Variants in NBAS observed in about 807,000 individuals in gnomAD.
NBAS encodes NAG/BC035112 fusion.
Under a neutral mutation model 302.5 loss-of-function variants are expected in NBAS, and 219 were observed. That is an observed-to-expected ratio of 0.72 (90% CI 0.65 to 0.81). NBAS has a LOEUF of 0.81. Ranked by LOEUF, NBAS falls within the 30% of genes least tolerant of loss-of-function variation. NBAS has a pLI of 0.00. For synonymous variants in NBAS, 1,118 were observed against 1,021.6 expected, an observed-to-expected ratio of 1.09 and a Z score of -1.80; for missense variants, 2,932 against 2,841.6, an observed-to-expected ratio of 1.03 and a Z score of -0.72.
At chr2:14,937,872 T>C in the NBAS span, among the ~76,000 whole-genome samples, 1 of 152,174 alleles carries the variant, frequency 6.6e-6, no homozygotes, top group African/African-American at 2.4e-5. Context: ...GGCTCACGCC[T>C]GTAATCCCAG....
At chr2:15,079,436 G>A in the NBAS span, among the ~76,000 whole-genome samples, 3 of 152,046 alleles carry the variant, frequency 2.0e-5, no homozygotes, top group Non-Finnish European at 4.4e-5. Flanking sequence ...AGGTCCCTAA[G>A]AGCCAAGCAG....
chr2:15,070,006 A>T, the NBAS span, among the ~76,000 whole-genome samples: 2 of 151,792 alleles, frequency 1.3e-5, no homozygotes, highest in African/African-American at 2.4e-5. Flanking sequence ...CCCCCCCACC[A>T]TGAGAATGTC....
chr2:15,255,017 C>T (rs1668528586), intron 44 of NBAS, among the ~76,000 whole-genome samples: 1 of 152,116 alleles, frequency 6.6e-6, no homozygotes, highest in Non-Finnish European at 1.5e-5. Context: ...AATTGTGCTG[C>T]TATAAATATG....
rs186974750 is a variant in NBAS, at chr2:15,478,907, G to A, written c.1084-618C>T. ...ATTTGAGAATAAGCCATTACCTGAC[G>A]ACCTCTTGGCTTAGTGTTCCCTTCT... On this transcript the variant is annotated intron_variant, in intron 12 of 51. Coordinates refer to ENST00000281513, the MANE Select transcript of NBAS (RefSeq NM_015909.4). Among the ~76,000 whole-genome samples, 28 of 152,188 alleles carry A rather than the reference G, an allele frequency of 1.8e-4. No homozygotes were observed. The East Asian group carries it at 4.6e-3, about 25-fold the overall frequency.
chr2:15,429,222 T>A (rs1463394783), intron 21 of NBAS, among the ~76,000 whole-genome samples: 1 of 152,100 alleles, frequency 6.6e-6, no homozygotes, highest in African/African-American at 2.4e-5. Context: ...CTCTCTTAAG[T>A]CCCTTTTAGC....
intron 21 of NBAS, among the ~76,000 whole-genome samples, chr2:15,450,677 T>A (rs547376152): frequency 2.8e-4 from 42 of 152,348 alleles, no homozygotes; most frequent in African/African-American, 9.9e-4. Flanking sequence ...TCCCTAAACA[T>A]TTCTGAAATA....
the NBAS span, among the ~76,000 whole-genome samples, chr2:15,121,805 G>A: frequency 1.3e-5 from 2 of 151,788 alleles, no homozygotes; most frequent in East Asian, 1.9e-4. Context: ...TTGTTATTAA[G>A]TTCATTAATA....
chr2:14,797,081 C>A, the NBAS span, among the ~76,000 whole-genome samples: 30 of 127,354 alleles, frequency 2.4e-4, no homozygotes, highest in Middle Eastern at 8.9e-3. Context: ...GGGCACAGAG[C>A]GAGACTCCGT....
At chr2:15,245,476 T>C (rs1668051976) in intron 44 of NBAS, among the ~76,000 whole-genome samples, 1 of 152,146 alleles carries the variant, frequency 6.6e-6, no homozygotes, top group South Asian at 2.1e-4. Flanking sequence ...TCCACCTCTT[T>C]CTCCTGGCCC....
At chr2:14,780,778 C>T in the NBAS span, among the ~76,000 whole-genome samples, 1 of 152,330 alleles carries the variant, frequency 6.6e-6, no homozygotes, top group Middle Eastern at 3.4e-3. Context: ...TATCATGCTG[C>T]ACTGTGATAA....
chr2:14,857,389 A>G, the NBAS span, among the ~76,000 whole-genome samples: 1 of 152,184 alleles, frequency 6.6e-6, no homozygotes, highest in Non-Finnish European at 1.5e-5. Context: ...AAAAAGAAAA[A>G]AAATGTAAAA....
intron 51 of NBAS, among the ~76,000 whole-genome samples, chr2:15,169,297 T>C (rs1224185133): frequency 2.0e-5 from 3 of 152,160 alleles, no homozygotes; most frequent in Non-Finnish European, 2.9e-5. Context: ...TTTTAGGAGC[T>C]AGATGACAGA....
At chr2:15,379,358 A>G (rs371550645) in intron 30 of NBAS, among the ~76,000 whole-genome samples, 27 of 120,560 alleles carry the variant, frequency 2.2e-4, no homozygotes, top group African/African-American at 7.9e-4. Flanking sequence ...GAAGAGAAAT[A>G]CACAGCCTTA....
In NBAS at chr2:15,316,538, C is replaced by T. The variant is rs117037021; in HGVS notation, c.4583-7291G>A. 4.9e-3 allele frequency among the ~76,000 whole-genome samples: 750 copies of T among 152,332 alleles called. 19 individuals are homozygous for T. The East Asian group carries it at 0.085, about 17-fold the overall frequency. On this transcript the variant is annotated intron_variant, in intron 38 of 51. Coordinates refer to ENST00000281513, the MANE Select transcript of NBAS (RefSeq NM_015909.4). ...CCCGCCCAAAATACTGTGCTTTTCT[C>T]AAGGTCTTAGCAACCGGCAGACAAG... is the stretch of plus-strand genomic sequence containing the variant.
chr2:14,970,919 C>A, the NBAS span, among the ~76,000 whole-genome samples: 1 of 152,158 alleles, frequency 6.6e-6, no homozygotes, highest in Non-Finnish European at 1.5e-5. Context: ...TAAGCTGGAG[C>A]AGTGCCTCCT....
chr2:15,161,832 G>A, the NBAS span, among the ~76,000 whole-genome samples: 5 of 152,316 alleles, frequency 3.3e-5, no homozygotes, highest in East Asian at 7.7e-4. Context: ...CAGCTCAGGT[G>A]TAGTAGGGAG....
At chr2:14,827,160 A>T in the NBAS span, among the ~76,000 whole-genome samples, 1 of 152,240 alleles carries the variant, frequency 6.6e-6, no homozygotes, top group Admixed American at 6.5e-5. Context: ...CAGAAAAGTC[A>T]GGAAAAATTT....
At chr2:15,075,165 T>G in the NBAS span, among the ~76,000 whole-genome samples, 1 of 152,206 alleles carries the variant, frequency 6.6e-6, no homozygotes, top group Admixed American at 6.5e-5. Context: ...CTAAATTATT[T>G]TTGGTAAGTG....
chr2:15,080,779 A>G, the NBAS span, among the ~76,000 whole-genome samples: 1 of 152,206 alleles, frequency 6.6e-6, no homozygotes, highest in African/African-American at 2.4e-5. Flanking sequence ...ACCTTTCAGC[A>G]TGACAGTTTC....
Sources: gnomAD v4.1 joint callset for allele counts (sites outside exome capture counted in the v4.1 genomes callset) on GRCh38, gnomAD v4.1.1 for gene constraint, MANE v1.5 for transcripts, NCBI Gene and HGNC (gene_info 2026-07-23, HGNC 2026-07-21) for gene names.